The following OTOA variants were observed in gnomAD, a reference collection of about 807,000 sequenced individuals.
The protein encoded by OTOA is cancer/testis antigen 108.
Under a neutral mutation model 110.8 loss-of-function variants are expected in OTOA, and 70 were observed. That is an observed-to-expected ratio of 0.63 (90% CI 0.52 to 0.77). The LOEUF (loss-of-function observed/expected upper bound fraction) is 0.77, where lower values mean the gene tolerates loss of function less well. Ranked by LOEUF, OTOA falls within the 30% of genes least tolerant of loss-of-function variation. OTOA has a pLI of 0.00. For synonymous variants in OTOA, 373 were observed against 431.5 expected, an observed-to-expected ratio of 0.86 and a Z score of 1.68; for missense variants, 917 against 1,075.8, an observed-to-expected ratio of 0.85 and a Z score of 2.06.
chr16:21,730,770 G>A (rs1411575797), intron 20 of OTOA, 67 bp from the exon 21 acceptor site: 12 of 935,596 alleles, frequency 1.3e-5, no homozygotes, highest in Non-Finnish European at 2.1e-5. Flanking sequence ...AAGGGTGCTG[G>A]GGGAAAAGGC....
At chr16:21,678,852 T>C (rs1348644728) in intron 2 of OTOA, 63 bp from the exon 3 acceptor site, 2 of 1,578,070 alleles carry the variant, frequency 1.3e-6, no homozygotes, top group East Asian at 4.5e-5. Flanking sequence ...CTCTAACCCA[T>C]ATTTGTAGTT....
chr16:21,692,792 G>A (rs1164594350), intron 9 of OTOA, among the ~76,000 whole-genome samples: 1 of 151,326 alleles, frequency 6.6e-6, no homozygotes, highest in African/African-American at 2.4e-5. Context: ...GCCTGGCGTG[G>A]TGGTTCATGT....
Position 21,691,645 on chromosome 16 carries a change from T to A in OTOA, c.697T>A (p.Ser233Thr), listed in dbSNP as rs760446852. 3.7e-6 allele frequency: 6 copies of A among 1,613,852 alleles called. No individual in the cohort carries two copies. In the Admixed American group the frequency reaches 1.0e-4, roughly 27 times the overall value. ...TSAHSQRALY[S>T]WMTGILQTSS... ...GGCTCATTCCCAGAGAGCTCTCTAT[T>A]CCTGGATGACTGGAATACTGCAGAC... The change falls in exon 9 of 29, where the codon TCC (serine) becomes ACC (threonine). Residue 233 changes from serine to threonine, a missense_variant. By Grantham distance (58) the Ser-to-Thr change is moderately conservative. Transcript: ENST00000646100.
chr16:21,727,012 G>GTTTTT (rs543449382), intron 19 of OTOA: 16 of 144,160 alleles, frequency 1.1e-4, no homozygotes, highest in South Asian at 6.6e-4. Context: ...CCCCCTTAGA[G>GTTTTT]TTTTTTTTTT....
intron 10 of OTOA, among the ~76,000 whole-genome samples, chr16:21,700,075 G>A (rs1419981157): frequency 6.6e-6 from 1 of 152,052 alleles, no homozygotes; most frequent in African/African-American, 2.4e-5. Flanking sequence ...CTTGCACGTG[G>A]CACCCTTGGA....
At position 21,700,994 on chromosome 16, in the gene OTOA, A is replaced by G. The variant is rs1371775867; in HGVS notation, c.947A>G (p.Asn316Ser). The part of the protein sequence containing the change: ...QAFLERISSS[N>S]FNMRNTSTIH... ...TTTCTGGAGAGGATCAGCTCCTCCA[A>G]CTTTAACATGAGGAATACCTCCACC... Residue 316 changes from asparagine (N) to serine (S), a missense_variant, in exon 11 of 29, where the codon AAC becomes AGC. This residue lies in a region of OTOA where 840 missense variants were observed against 910.2 expected (regional missense o/e 0.92). Transcript: ENST00000646100. The G allele has an allele frequency of 1.2e-6, 2 of 1,614,156 alleles. No homozygotes were observed. Among genetic ancestry groups the G allele is most frequent in the African/African-American group, 1.3e-5 (1 of 75,048 alleles).
chr16:21,681,880 A>C (rs1966898831), intron 6 of OTOA, 55 bp downstream of exon 6: 2 of 1,526,920 alleles, frequency 1.3e-6, no homozygotes, highest in African/African-American at 2.7e-5. Flanking sequence ...GGGATTGCAA[A>C]CTCAGGGGCC....
In OTOA at chr16:21,726,528, G is replaced by C; in HGVS notation, c.1886G>C (p.Arg629Pro). ...TTCTCCCCATCTCTCTCCAGGGCCCGCTACCTGGCTTCTGTCCCAGCCTCC... is the reference window on the plus strand; with the variant it reads ...TTCTCCCCATCTCTCTCCAGGGCCCCCTACCTGGCTTCTGTCCCAGCCTCC... ...PPFLLAALPA[R>P]YLASVPASQC... Residue 629 changes from arginine (R) to proline (P), a missense_variant, in exon 19 of 29, where the codon CGC (arginine) becomes CCC (proline). Arg to Pro is a moderately radical substitution (Grantham distance 103). Around this residue, in one of 6 missense-constraint regions of OTOA, gnomAD observed 840 missense variants for 910.2 expected, o/e 0.92. Coordinates refer to ENST00000646100, the MANE Select transcript of OTOA (RefSeq NM_144672.4). 2.5e-6 allele frequency: 4 copies of C among 1,613,596 alleles called. No individual in the cohort carries two copies. The highest frequency in any genetic ancestry group is 3.4e-6 in the Non-Finnish European group (4 of 1,180,010).
intron 15 of OTOA, 58 bp downstream of exon 15, chr16:21,717,105 G>A: frequency 6.2e-7 from 1 of 1,601,656 alleles, no homozygotes; most frequent in South Asian, 1.1e-5. Context: ...TTGTGAGAAT[G>A]AATGGTCTGT....
At position 21,753,888 on chromosome 16, in the gene OTOA, C is replaced by G. The variant is rs1411669649; in HGVS notation, c.3153+764C>G. On this transcript the variant is annotated intron_variant, in intron 27 of 28. Transcript: ENST00000646100. ...CCAGCCTGGCCAATGTGGTGAAACC[C>G]CATCTCTATGAAAAATACAAAATTA... Among the ~76,000 whole-genome samples the G allele has an allele frequency of 1.5e-5, 2 of 130,238 alleles. 1 individual carries two copies. Among genetic ancestry groups the G allele is most frequent in the East Asian group, 4.3e-4 (2 of 4,680 alleles). 85.4% of individuals were successfully genotyped at this position (130,238 alleles called of 152,430 possible). A position where few individuals can be genotyped will look rare whatever the true frequency, so the allele number is the denominator to read the frequency against.
At position 21,730,719 on chromosome 16, in the gene OTOA, T is replaced by G. The variant is rs1899088071; in HGVS notation, c.2208-118T>G. 8.9e-6 allele frequency: 7 copies of G among 788,800 alleles called. No individual in the cohort carries two copies. In the Admixed American group the frequency reaches 1.4e-4, roughly 16 times the overall value. The allele number at this position is 788,800 out of a possible 1,614,324, so 48.9% of individuals were successfully genotyped here. On this transcript the variant is annotated intron_variant, in intron 20 of 28. Coordinates refer to ENST00000646100, the MANE Select transcript of OTOA (RefSeq NM_144672.4). ...TTTCTTGGTCAAGGAAGTGGGACCA[T>G]GTGATTGACATGAGTATAAGACAAT...
chr16:21,713,807 G>A (rs1432276182), intron 13 of OTOA, among the ~76,000 whole-genome samples: 5 of 152,096 alleles, frequency 3.3e-5, no homozygotes, highest in Non-Finnish European at 5.9e-5. Context: ...TTCTAGCCTC[G>A]TGGTGACTTT....
intron 17 of OTOA, among the ~76,000 whole-genome samples, chr16:21,722,440 C>T (rs1017858747): frequency 7.8e-6 from 1 of 129,000 alleles, no homozygotes; most frequent in Admixed American, 8.2e-5. Context: ...TATAGTTTAA[C>T]AGAATTGTGT....
In OTOA at chr16:21,700,936, G is replaced by T. The variant is rs754571974; in HGVS notation, c.889G>T (p.Val297Phe). 4.2e-5 allele frequency: 67 copies of T among 1,613,916 alleles called. No individual in the cohort carries two copies. The highest frequency in any genetic ancestry group is 5.3e-5 in the Non-Finnish European group (62 of 1,180,010). ...CAACGCCACCAAGCAGCTGGACATG[G>T]TCTATGACATCACACCTGAGCTGGC... Reference protein sequence around the residue: ...YDNATKQLDMVYDITPELAQA... With the variant: ...YDNATKQLDMFYDITPELAQA... The change falls in exon 11 of 29, where the codon GTC becomes TTC. Residue 297 changes from valine to phenylalanine, a missense_variant. By Grantham distance (50) the Val-to-Phe change is conservative. Around this residue, in one of 6 missense-constraint regions of OTOA, gnomAD observed 840 missense variants for 910.2 expected, o/e 0.92. Transcript: ENST00000646100.
At chr16:21,726,812 A>G (rs535187674) in intron 19 of OTOA, among the ~76,000 whole-genome samples, 154 bp downstream of exon 19, 1 of 151,950 alleles carries the variant, frequency 6.6e-6, no homozygotes, top group African/African-American at 2.4e-5. Flanking sequence ...TGCTGGTTGG[A>G]ACAATCTTTT....
At chr16:21,667,925 G>C (rs191097600) in intron 1 of OTOA, among the ~76,000 whole-genome samples, 114 of 152,164 alleles carry the variant, frequency 7.5e-4, no homozygotes, top group Non-Finnish European at 1.4e-3. Flanking sequence ...CATGAGCCAC[G>C]CAAAATCAGG....
At chr16:21,749,830 C>T (rs1268291362) in intron 24 of OTOA, among the ~76,000 whole-genome samples, 15 of 136,612 alleles carry the variant, frequency 1.1e-4, no homozygotes, top group Non-Finnish European at 2.0e-4. Flanking sequence ...ACCACAGGCA[C>T]GTGCCACCAT....
chr16:21,735,846 G>C (rs971847323), intron 21 of OTOA, among the ~76,000 whole-genome samples: 3 of 152,046 alleles, frequency 2.0e-5, no homozygotes, highest in African/African-American at 7.3e-5. Context: ...TGCCTGCCTC[G>C]ACCTCCCAAA....
At chr16:21,707,951 G>A (rs1013010196) in intron 12 of OTOA, among the ~76,000 whole-genome samples, 3 of 151,490 alleles carry the variant, frequency 2.0e-5, no homozygotes, top group East Asian at 3.9e-4. Flanking sequence ...ACGCCACCAC[G>A]CCCAGCTATT....
Sources: allele counts gnomAD v4.1 joint callset (sites outside exome capture counted in the v4.1 genomes callset), GRCh38; gene constraint gnomAD v4.1.1; regional missense constraint gnomAD v4.1.1; transcripts MANE v1.5; gene names NCBI Gene and HGNC (gene_info 2026-07-23, HGNC 2026-07-21).